Variants in RALYL observed in about 807,000 individuals in gnomAD.
RALYL encodes the protein RNA-binding Raly-like protein.
RALYL carries 29 observed loss-of-function variants against 35.1 expected under a neutral mutation model. The ratio of observed to expected loss-of-function variants is 0.83; its 90% CI spans 0.61 to 1.13. The LOEUF (loss-of-function observed/expected upper bound fraction) is 1.13. Ranked by LOEUF, RALYL falls within the 50% of genes most tolerant of loss-of-function variation. RALYL has a pLI of 0.00. For synonymous variants in RALYL, 120 were observed against 127.6 expected, an observed-to-expected ratio of 0.94 and a Z score of 0.40; for missense variants, 359 against 360.4, an observed-to-expected ratio of 1.00 and a Z score of 0.03.
At chr8:84,896,070 C>T (rs1563827456) in intron 8 of RALYL, among the ~76,000 whole-genome samples, 1 of 152,136 alleles carries the variant, frequency 6.6e-6, no homozygotes, top group Non-Finnish European at 1.5e-5. Context: ...CTTCTACCTG[C>T]CCACTACCTG....
At chr8:84,860,385 ATCAG>A (rs1837875279) in intron 5 of RALYL, among the ~76,000 whole-genome samples, 1 of 152,216 alleles carries the variant, frequency 6.6e-6, no homozygotes, top group Non-Finnish European at 1.5e-5. Context: ...TCTAGAAGAG[ATCAG>A]TCAATTGCCA....
intron 1 of RALYL, among the ~76,000 whole-genome samples, chr8:84,527,235 G>T (rs2058967810): frequency 6.6e-6 from 1 of 151,860 alleles, no homozygotes; most frequent in Non-Finnish European, 1.5e-5. Flanking sequence ...CAGTTTGGAG[G>T]TACAGGTATG....
At chr8:84,538,836 C>T (rs142891301) in intron 2 of RALYL, among the ~76,000 whole-genome samples, 110 of 152,208 alleles carry the variant, frequency 7.2e-4, no homozygotes, top group African/African-American at 2.4e-3. Context: ...AAGTGGGAAA[C>T]TCAAGGCATT....
chr8:84,291,560 T>C (rs908255205), intron 1 of RALYL, among the ~76,000 whole-genome samples: 5 of 152,152 alleles, frequency 3.3e-5, no homozygotes, highest in African/African-American at 1.2e-4. Flanking sequence ...GCTTAAAAAC[T>C]TAAGCCAACA....
At chr8:84,570,597 C>A (rs1807715922) in intron 2 of RALYL, among the ~76,000 whole-genome samples, 1 of 151,912 alleles carries the variant, frequency 6.6e-6, no homozygotes, top group African/African-American at 2.4e-5. Flanking sequence ...ATCTCTCTGG[C>A]TAGAACTTCC....
intron 1 of RALYL, among the ~76,000 whole-genome samples, chr8:84,471,331 C>A (rs887452833): frequency 2.0e-5 from 3 of 151,844 alleles, no homozygotes; most frequent in Admixed American, 6.6e-5. Flanking sequence ...ACCTGTAATC[C>A]CAGTGCTTTG....
chr8:84,190,975 T>C (rs768318340), intron 1 of RALYL, among the ~76,000 whole-genome samples: 60 of 151,994 alleles, frequency 3.9e-4, no homozygotes, highest in Non-Finnish European at 8.2e-4. Context: ...TGTGTGTGTG[T>C]GTATGTAAGT....
At chr8:84,691,330 A>C (rs1192172612) in intron 2 of RALYL, among the ~76,000 whole-genome samples, 3 of 151,912 alleles carry the variant, frequency 2.0e-5, no homozygotes, top group Non-Finnish European at 4.4e-5. Flanking sequence ...TCCACAGATC[A>C]CTCTTGAGAT....
chr8:84,705,779 A>G, intron 2 of RALYL: 2 of 592,640 alleles, frequency 3.4e-6, no homozygotes, highest in East Asian at 7.2e-5. Context: ...CTTAACTGCT[A>G]TAGGATCGGG....
At chr8:84,233,388 G>A (rs1031351353) in intron 1 of RALYL, among the ~76,000 whole-genome samples, 24 of 152,166 alleles carry the variant, frequency 1.6e-4, no homozygotes, top group Admixed American at 1.4e-3. Context: ...TACTATGGCA[G>A]ATCTGGGTTC....
At chr8:84,797,935 G>A (rs997163821) in intron 3 of RALYL, among the ~76,000 whole-genome samples, 15 of 152,180 alleles carry the variant, frequency 9.9e-5, no homozygotes, top group African/African-American at 3.4e-4. Flanking sequence ...CATTTGGGGA[G>A]CATCTGCTAT....
At chr8:84,222,588 T>G (rs1040298881) in intron 1 of RALYL, among the ~76,000 whole-genome samples, 4 of 152,114 alleles carry the variant, frequency 2.6e-5, no homozygotes, top group Non-Finnish European at 4.4e-5. Context: ...CCTTGGGAGA[T>G]GAGGAAAAGA....
intron 1 of RALYL, among the ~76,000 whole-genome samples, chr8:84,374,224 T>C (rs73298717): frequency 0.03 from 4,489 of 151,994 alleles, 213 homozygotes; most frequent in African/African-American, 0.1. Context: ...ATTACTCTGG[T>C]CAGGACTTCC....
intron 2 of RALYL, among the ~76,000 whole-genome samples, chr8:84,706,235 G>A (rs1841186791): frequency 6.6e-6 from 1 of 152,102 alleles, no homozygotes; most frequent in African/African-American, 2.4e-5. Context: ...AAGATGTTGA[G>A]GGCAGAGGGG....
At chr8:84,771,299 A>G (rs1432181638) in intron 2 of RALYL, among the ~76,000 whole-genome samples, 1 of 151,882 alleles carries the variant, frequency 6.6e-6, no homozygotes, top group Non-Finnish European at 1.5e-5. Context: ...TGTTTATCCT[A>G]TTAAAAATAC....
intron 6 of RALYL, among the ~76,000 whole-genome samples, chr8:84,867,272 G>GT (rs1331020539): frequency 1.3e-5 from 2 of 152,006 alleles, no homozygotes; most frequent in East Asian, 3.9e-4. Context: ...CCAGTTGTTC[G>GT]TTTTTTTATT....
intron 1 of RALYL, among the ~76,000 whole-genome samples, chr8:84,519,394 T>C (rs192332272): frequency 5.1e-4 from 77 of 152,340 alleles, no homozygotes; most frequent in African/African-American, 1.7e-3. Flanking sequence ...GTAGCTATTC[T>C]CAACATGACA....
chr8:84,876,714 TC>T (rs1841224853), intron 7 of RALYL, among the ~76,000 whole-genome samples: 1 of 152,122 alleles, frequency 6.6e-6, no homozygotes, highest in African/African-American at 2.4e-5. Flanking sequence ...TCACTGTTAT[TC>T]CTGATACATG....
intron 2 of RALYL, among the ~76,000 whole-genome samples, chr8:84,607,316 C>A (rs1323650644): frequency 4.0e-5 from 6 of 151,768 alleles, no homozygotes; most frequent in Admixed American, 1.3e-4. Flanking sequence ...TACAGTAATG[C>A]AATAATAAAT....
Sources: allele counts gnomAD v4.1 joint callset (sites outside exome capture counted in the v4.1 genomes callset), GRCh38; gene constraint gnomAD v4.1.1; transcripts MANE v1.5; gene names NCBI Gene and HGNC (gene_info 2026-07-23, HGNC 2026-07-21).